The following EXPH5 variants were observed in gnomAD, a reference collection of about 807,000 sequenced individuals.
The protein encoded by EXPH5 is exophilin 5.
EXPH5 carries 42 observed loss-of-function variants against 41.1 expected under a neutral mutation model. The observed-to-expected ratio is 1.02, with a 90% CI of 0.80 to 1.32. EXPH5 has a LOEUF of 1.32. Among genes scored for constraint, EXPH5 ranks in the 40% most tolerant of loss-of-function variants. The pLI, the probability that EXPH5 is intolerant of heterozygous loss-of-function variation, is 0.00. For synonymous variants in EXPH5, 798 were observed against 833.5 expected, an observed-to-expected ratio of 0.96 and a Z score of 0.73; for missense variants, 2,298 against 2,314.5, an observed-to-expected ratio of 0.99 and a Z score of 0.15.
chr11:108,536,544 C>A, intron 3 of EXPH5, among the ~76,000 whole-genome samples: 1 of 152,322 alleles, frequency 6.6e-6, no homozygotes, highest in East Asian at 1.9e-4. Context: ...GGATTACAGG[C>A]GTGAGCCGTC....
intron 4 of EXPH5, among the ~76,000 whole-genome samples, chr11:108,521,870 T>C (rs2093767152): frequency 6.6e-6 from 1 of 152,192 alleles, no homozygotes; most frequent in African/African-American, 2.4e-5. Flanking sequence ...TCTATGTATG[T>C]AGACCAGTAC....
chr11:108,514,067 A>G lies in EXPH5; in HGVS notation c.1440T>C (p.Phe480=), dbSNP rs1026254327. ...AAGAATGTCCTTTCTCTTGGCCCCA[A>G]AAAGGACCTTGTCCAAATCTCCTCT... ...GEQRRFGQGP[F]WGQEKGHSFW... is the part of the protein sequence containing the mutation. Residue 480 remains phenylalanine, a synonymous_variant, in exon 6 of 6, where the codon TTT becomes TTC. Transcript: ENST00000265843. The G allele has an allele frequency of 2.5e-6, 4 of 1,613,992 alleles. No individual in the cohort carries two copies. The highest frequency in any genetic ancestry group is 3.4e-6 in the Non-Finnish European group (4 of 1,180,006).
chr11:108,512,578 T>G lies in EXPH5; in HGVS notation c.2929A>C (p.Arg977=). The part of the protein sequence containing the change: ...FRNERGKGKI[R]HHISCIEKLS... Reference sequence around the variant, plus strand: ...TTTTCAATACAGGATATATGATGCCTTATTTTTCCTTTTCCTCTTTCATTC... The same window carrying G: ...TTTTCAATACAGGATATATGATGCCGTATTTTTCCTTTTCCTCTTTCATTC... Residue 977 remains arginine (R), a synonymous_variant, in exon 6 of 6, where the codon AGG becomes CGG. Transcript: ENST00000265843. 2.5e-6 allele frequency: 4 copies of G among 1,612,370 alleles called. No homozygotes were observed. In the South Asian group the frequency reaches 4.4e-5, roughly 18 times the overall value.
intron 1 of EXPH5, among the ~76,000 whole-genome samples, chr11:108,580,772 G>A (rs548623893): frequency 6.6e-6 from 1 of 152,296 alleles, no homozygotes; most frequent in African/African-American, 2.4e-5. Flanking sequence ...GAAACTGGAT[G>A]ACATTATGTT....
At chr11:108,567,343 G>A (rs2094038906) in intron 1 of EXPH5, among the ~76,000 whole-genome samples, 1 of 152,214 alleles carries the variant, frequency 6.6e-6, no homozygotes, top group African/African-American at 2.4e-5. Context: ...TTGGTTTAAT[G>A]GAAGCATTAA....
the EXPH5 span, among the ~76,000 whole-genome samples, chr11:108,603,223 G>A: frequency 1.3e-5 from 2 of 152,164 alleles, no homozygotes; most frequent in Non-Finnish European, 2.9e-5. Context: ...AGCAGTGTGA[G>A]AACAGACTAA....
At chr11:108,587,918 AATTTT>A (rs2094118213) in intron 1 of EXPH5, among the ~76,000 whole-genome samples, 1 of 152,082 alleles carries the variant, frequency 6.6e-6, no homozygotes, top group Admixed American at 6.6e-5. Context: ...AAGCCTGGCT[AATTTT>A]TGTATTTTTA....
chr11:108,574,071 TTG>T lies in EXPH5; in HGVS notation c.119+19345_119+19346del, dbSNP rs1453013817. The stretch of plus-strand genomic sequence containing the variant: ...CGTTCGCCACCACGCCCGGCTAATT[TTG>T]TGTGTTTTTTTTTTTTTAGTAGAGA... On this transcript the variant is annotated intron_variant, in intron 1 of 5. Coordinates refer to ENST00000265843, the MANE Select transcript of EXPH5 (RefSeq NM_015065.3). Among the ~76,000 whole-genome samples the T allele has an allele frequency of 1.5e-4, 22 of 145,822 alleles. No homozygotes were observed. The East Asian group carries it at 4.1e-3, about 27-fold the overall frequency.
intron 1 of EXPH5, among the ~76,000 whole-genome samples, chr11:108,548,698 T>C (rs2093950077): frequency 6.6e-6 from 1 of 152,192 alleles, no homozygotes; most frequent in South Asian, 2.1e-4. Flanking sequence ...GTACGTGTAA[T>C]TCATCTTCTT....
chr11:108,508,835 T>C lies in EXPH5; in HGVS notation c.*702A>G, dbSNP rs1292366394. 2.0e-5 allele frequency: 3 copies of C among 152,246 alleles called. No individual in the cohort carries two copies. Among genetic ancestry groups the C allele is most frequent in the Non-Finnish European group, 4.4e-5 (3 of 68,054 alleles). 9.4% of individuals were successfully genotyped at this position (152,246 alleles called of 1,614,324 possible). A position where few individuals can be genotyped will look rare whatever the true frequency, so the allele number is the denominator to read the frequency against. On this transcript the variant is annotated 3_prime_UTR_variant, in exon 6 of 6. Transcript: ENST00000265843. The stretch of plus-strand genomic sequence containing the variant: ...GACTGCTAACCTTCTATTGGCTTAC[T>C]AGGGATTCAGGTCCTAATCTATAAC...
At position 108,546,495 on chromosome 11, in the gene EXPH5, T is replaced by C. The variant is rs117013428; in HGVS notation, c.120-4683A>G. On this transcript the variant is annotated intron_variant, in intron 1 of 5. Transcript: ENST00000265843. ...GGTGATGTGTTTTGGGGAGTAGGGG[T>C]AGAGACACATCAAAGAAGATTCCAA... 8.1e-3 allele frequency among the ~76,000 whole-genome samples: 1,228 copies of C among 152,126 alleles called. 8 individuals are homozygous for C. The highest frequency in any genetic ancestry group is 0.014 in the Non-Finnish European group (919 of 67,982).
intron 4 of EXPH5, among the ~76,000 whole-genome samples, chr11:108,527,299 G>A (rs966901968): frequency 1.3e-5 from 2 of 152,014 alleles, no homozygotes; most frequent in Non-Finnish European, 2.9e-5. Flanking sequence ...CAGCCTGGGT[G>A]ACAGAGTGAG....
rs573417422 is a variant in EXPH5, at chr11:108,540,076, G to A, written c.281-890C>T. Among the ~76,000 whole-genome samples the A allele has an allele frequency of 1.9e-3, 286 of 152,144 alleles. 1 individual carries two copies. The highest frequency in any genetic ancestry group is 6.6e-3 in the African/African-American group (274 of 41,528). On this transcript the variant is annotated intron_variant, in intron 2 of 5. Coordinates refer to ENST00000265843, the MANE Select transcript of EXPH5 (RefSeq NM_015065.3). Reference sequence around the variant, plus strand: ...CTCACGCCTGTAATCCCAGTACTTTGGGAGGCTGAGGTGGGCGGTGCATCA... The same window carrying A: ...CTCACGCCTGTAATCCCAGTACTTTAGGAGGCTGAGGTGGGCGGTGCATCA...
intron 1 of EXPH5, among the ~76,000 whole-genome samples, chr11:108,582,122 C>T (rs1358175003): frequency 1.3e-5 from 2 of 152,276 alleles, no homozygotes; most frequent in East Asian, 1.9e-4. Flanking sequence ...GAAAACACTT[C>T]CTAAGTCATT....
At chr11:108,543,469 A>C (rs889122815) in intron 1 of EXPH5, among the ~76,000 whole-genome samples, 7 of 152,176 alleles carry the variant, frequency 4.6e-5, no homozygotes, top group Admixed American at 1.3e-4. Flanking sequence ...GTTTTTAGAT[A>C]CTGATGAAAA....
intron 1 of EXPH5, among the ~76,000 whole-genome samples, chr11:108,550,972 G>A (rs1169404513): frequency 6.6e-6 from 1 of 151,970 alleles, no homozygotes; most frequent in African/African-American, 2.4e-5. Flanking sequence ...AGCCGAAAGA[G>A]GTCTCCAGAT....
At chr11:108,590,695 T>C (rs1024281971) in intron 1 of EXPH5, among the ~76,000 whole-genome samples, 2 of 152,210 alleles carry the variant, frequency 1.3e-5, no homozygotes, top group African/African-American at 4.8e-5. Context: ...TGTGTCACTC[T>C]GGTTGGAGTG....
intron 1 of EXPH5, among the ~76,000 whole-genome samples, chr11:108,590,624 G>A (rs1314527438): frequency 6.6e-6 from 1 of 151,860 alleles, no homozygotes; most frequent in Non-Finnish European, 1.5e-5. Flanking sequence ...GCATGACACT[G>A]TAGTTCTTTT....
In EXPH5 at chr11:108,514,689, T is replaced by C. The variant is rs371752745; in HGVS notation, c.818A>G (p.Asp273Gly). Residue 273 changes from aspartate (D) to glycine (G), a missense_variant, in exon 6 of 6, where the codon GAC becomes GGC. Physicochemically the swap from Asp to Gly is moderately conservative, Grantham distance 94. Transcript: ENST00000265843. ...CCTAGGAGTTCCTGGTCTTAGGATGTCATAGATAGACATATTGGAAGTTTC... is the reference window on the plus strand; with the variant it reads ...CCTAGGAGTTCCTGGTCTTAGGATGCCATAGATAGACATATTGGAAGTTTC... Reference protein sequence around the residue: ...YNETSNMSIYDILRPGTPREG... With the variant: ...YNETSNMSIYGILRPGTPREG... The C allele has an allele frequency of 4.4e-6, 7 of 1,604,322 alleles. No homozygotes were observed. The South Asian group carries it at 4.5e-5, about 10-fold the overall frequency.
Sources: gnomAD v4.1 joint callset for allele counts (sites outside exome capture counted in the v4.1 genomes callset) on GRCh38, gnomAD v4.1.1 for gene constraint, MANE v1.5 for transcripts, NCBI Gene and HGNC (gene_info 2026-07-23, HGNC 2026-07-21) for gene names.